The following KLHL32 variants were observed in gnomAD, a reference collection of about 807,000 sequenced individuals.
KLHL32 encodes kelch like family member 32, also known as kelch-like protein 32.
In KLHL32, 35 loss-of-function variants were observed where a neutral mutation model predicts 64.8. That is an observed-to-expected ratio of 0.54 (90% CI 0.41 to 0.72). KLHL32 has a LOEUF of 0.72. Among genes scored for constraint, KLHL32 ranks in the 30% least tolerant of loss-of-function variants. The pLI is 0.00. For synonymous variants in KLHL32, 259 were observed against 281.0 expected (o/e 0.92, Z 0.78); for missense variants, 589 against 768.5 (o/e 0.77, Z 2.76).
At chr6:97,003,570 C>T (rs1314126485) in intron 3 of KLHL32, among the ~76,000 whole-genome samples, 1 of 152,062 alleles carries the variant, frequency 6.6e-6, no homozygotes, top group Non-Finnish European at 1.5e-5. Context: ...TCTGCCAGGG[C>T]CTATGTCTGA....
chr6:97,007,030 T>C (rs1309955491), intron 3 of KLHL32, among the ~76,000 whole-genome samples: 3 of 152,204 alleles, frequency 2.0e-5, no homozygotes, highest in Admixed American at 2.0e-4. Context: ...ATTTTAGTGT[T>C]GGCCTCTTTA....
At chr6:96,974,188 T>G (rs1775454334) in intron 2 of KLHL32, among the ~76,000 whole-genome samples, 1 of 152,196 alleles carries the variant, frequency 6.6e-6, no homozygotes, top group African/African-American at 2.4e-5. Flanking sequence ...CATGAACTAG[T>G]CATTGTAAAT....
chr6:96,916,104 C>A, the KLHL32 span, among the ~76,000 whole-genome samples: 2 of 151,590 alleles, frequency 1.3e-5, no homozygotes, highest in East Asian at 1.9e-4. Context: ...GTGGTCAGAA[C>A]AAATTTATAG....
At chr6:96,923,902 G>C (rs113017656), upstream of KLHL32, among the ~76,000 whole-genome samples, 312 of 152,324 alleles carry the variant, frequency 2.0e-3, 2 homozygotes, top group African/African-American at 7.3e-3. Flanking sequence ...GAGTTTCTCA[G>C]CATGTTTTAC....
At chr6:97,108,732 CTATGGCTTACTT>C (rs1447601341) in intron 6 of KLHL32, among the ~76,000 whole-genome samples, 10 of 152,180 alleles carry the variant, frequency 6.6e-5, no homozygotes, top group Non-Finnish European at 1.3e-4. Context: ...CAGAGTGTTT[CTATGGCTTACTT>C]TATGTTATCA....
chr6:96,983,651 T>A (rs1317092709), intron 3 of KLHL32, among the ~76,000 whole-genome samples: 1 of 152,250 alleles, frequency 6.6e-6, no homozygotes, highest in Non-Finnish European at 1.5e-5. Context: ...TCTTCTAGAT[T>A]TTCTAGTTTA....
Position 96,991,167 on chromosome 6 carries a change from G to C in KLHL32, c.204+14990G>C, listed in dbSNP as rs182031547. Among the ~76,000 whole-genome samples, 10 of 151,838 alleles carry C rather than the reference G, an allele frequency of 6.6e-5. No individual in the cohort carries two copies. The East Asian group carries it at 1.8e-3, about 27-fold the overall frequency. On this transcript the variant is annotated intron_variant, in intron 3 of 10. Coordinates refer to ENST00000369261, the MANE Select transcript of KLHL32 (RefSeq NM_052904.4). ...TTCTTTGTTCCTTCCCCAATGCAAGGGCAGCAAGGGCAGGACCAGTGCACT... is the reference window on the plus strand; with the variant it reads ...TTCTTTGTTCCTTCCCCAATGCAAGCGCAGCAAGGGCAGGACCAGTGCACT...
intron 1 of KLHL32, among the ~76,000 whole-genome samples, chr6:96,929,455 C>A (rs536268022): frequency 6.6e-6 from 1 of 152,246 alleles, no homozygotes; most frequent in Non-Finnish European, 1.5e-5. Context: ...TATAAGACTG[C>A]TTATTATTTC....
intron 4 of KLHL32, among the ~76,000 whole-genome samples, chr6:97,049,890 A>G (rs1406665740): frequency 1.3e-5 from 2 of 152,218 alleles, no homozygotes; most frequent in African/African-American, 4.8e-5. Flanking sequence ...GTTGGTCCCA[A>G]GACCTGTCTC....
chr6:96,905,699 A>ATTC, the KLHL32 span, among the ~76,000 whole-genome samples: 1 of 152,226 alleles, frequency 6.6e-6, no homozygotes, highest in African/African-American at 2.4e-5. Context: ...ATTAGCTATT[A>ATTC]TTCTTTTATA....
At chr6:96,999,500 C>T (rs1778784671) in intron 3 of KLHL32, 2 of 952,700 alleles carry the variant, frequency 2.1e-6, no homozygotes, top group Non-Finnish European at 2.5e-6. Flanking sequence ...CTGTTTTCAC[C>T]ATATTTGATG....
In KLHL32 at chr6:97,086,565, C is replaced by T. The variant is rs1406986718; in HGVS notation, c.627+1224C>T. Among the ~76,000 whole-genome samples, 3 of 152,170 alleles carry T rather than the reference C, an allele frequency of 2.0e-5. No individual in the cohort carries two copies. In the East Asian group the frequency reaches 5.8e-4, roughly 29 times the overall value. The stretch of plus-strand genomic sequence containing the variant: ...CTGTGCCTTACTCAGAGTCACAGAG[C>T]AGAGCCAGCCTTCAAATTTAAGTCT... On this transcript the variant is annotated intron_variant, in intron 6 of 10. Coordinates refer to ENST00000369261, the MANE Select transcript of KLHL32 (RefSeq NM_052904.4).
chr6:97,068,981 G>A (rs1352527554), intron 5 of KLHL32, among the ~76,000 whole-genome samples: 2 of 152,208 alleles, frequency 1.3e-5, no homozygotes, highest in African/African-American at 4.8e-5. Flanking sequence ...AGGCTGGGAC[G>A]CAAGGGCGAT....
At chr6:96,946,337 C>G (rs568395446) in intron 1 of KLHL32, among the ~76,000 whole-genome samples, 1 of 152,154 alleles carries the variant, frequency 6.6e-6, no homozygotes, top group African/African-American at 2.4e-5. Flanking sequence ...TTTTAAAGCA[C>G]TTATTATCTC....
At chr6:97,128,714 G>A (rs1222142306) in intron 8 of KLHL32, among the ~76,000 whole-genome samples, 1 of 152,212 alleles carries the variant, frequency 6.6e-6, no homozygotes, top group Non-Finnish European at 1.5e-5. Flanking sequence ...CCACTGATTA[G>A]TATTCACATG....
At chr6:97,000,650 A>G (rs531177328) in intron 3 of KLHL32, among the ~76,000 whole-genome samples, 1 of 152,318 alleles carries the variant, frequency 6.6e-6, no homozygotes, top group African/African-American at 2.4e-5. Flanking sequence ...CATCAAATAA[A>G]ACTTGCAAGA....
chr6:97,068,975 T>G (rs550926155), intron 5 of KLHL32, among the ~76,000 whole-genome samples: 1 of 152,256 alleles, frequency 6.6e-6, no homozygotes, highest in Admixed American at 6.5e-5. Flanking sequence ...TGTGAGAGGC[T>G]GGGACGCAAG....
At chr6:97,033,361 T>C (rs1224239769) in intron 3 of KLHL32, among the ~76,000 whole-genome samples, 1 of 152,184 alleles carries the variant, frequency 6.6e-6, no homozygotes, top group Non-Finnish European at 1.5e-5. Flanking sequence ...GATTTTCTTC[T>C]TTTTTAAGGC....
chr6:97,109,007 A>G (rs1796776895), intron 6 of KLHL32, among the ~76,000 whole-genome samples: 1 of 152,178 alleles, frequency 6.6e-6, no homozygotes, highest in Non-Finnish European at 1.5e-5. Context: ...CTGATAGGAG[A>G]ATACTGTTAT....
Sources: allele counts gnomAD v4.1 joint callset (sites outside exome capture counted in the v4.1 genomes callset), GRCh38; gene constraint gnomAD v4.1.1; transcripts MANE v1.5; gene names NCBI Gene and HGNC (gene_info 2026-07-23, HGNC 2026-07-21).